MATR3: variants seen among roughly 807,000 people sequenced by gnomAD.
The protein encoded by MATR3 is matrin 3, also known as matrin-3.
A neutral mutation model predicts 85.5 loss-of-function variants in MATR3; 4 were observed. The observed-to-expected ratio is 0.05, with a 90% CI of 0.02 to 0.11. The LOEUF (loss-of-function observed/expected upper bound fraction) is 0.11. Among genes scored for constraint, MATR3 ranks in the 10% least tolerant of loss-of-function variants. The pLI is 1.00. For synonymous variants in MATR3, 336 were observed against 343.1 expected, an observed-to-expected ratio of 0.98 and a Z score of 0.23; for missense variants, 685 against 1,016.1, an observed-to-expected ratio of 0.67 and a Z score of 4.43.
At chr5:139,289,852 GC>G (rs1009320190), upstream of MATR3, among the ~76,000 whole-genome samples, 1 of 152,046 alleles carries the variant, frequency 6.6e-6, no homozygotes, top group Admixed American at 6.6e-5. Context: ...CCCATATTCA[GC>G]CTTTCCAGTC....
At chr5:139,323,119 T>G (rs928476074) in intron 12 of MATR3, 152 bp downstream of exon 12, 9 of 833,968 alleles carry the variant, frequency 1.1e-5, no homozygotes, top group Non-Finnish European at 1.6e-5. Flanking sequence ...AAATCTAAAC[T>G]CTGCAATAAA....
intron 1 of MATR3, among the ~76,000 whole-genome samples, chr5:139,296,116 C>T (rs1286679385): frequency 5.3e-5 from 8 of 152,020 alleles, no homozygotes; most frequent in Admixed American, 4.6e-4. Flanking sequence ...AAAGACTGTG[C>T]GTACAGGAAT....
intron 12 of MATR3, 108 bp from the exon 13 acceptor site, chr5:139,325,332 C>G: frequency 6.3e-7 from 1 of 1,577,338 alleles, no homozygotes; most frequent in Admixed American, 1.9e-5. Context: ...TTTTGTCACT[C>G]TAGATGAGGT....
At chr5:139,281,635 A>C (rs1299768834) in intron 3 of MATR3, among the ~76,000 whole-genome samples, 2 of 152,014 alleles carry the variant, frequency 1.3e-5, no homozygotes, top group Non-Finnish European at 2.9e-5. Context: ...TACAGGTGTG[A>C]GCTACCACAC....
chr5:139,306,114 A>G (rs1754693611), intron 1 of MATR3, among the ~76,000 whole-genome samples: 1 of 152,230 alleles, frequency 6.6e-6, no homozygotes, highest in African/African-American at 2.4e-5. Context: ...TGTAGTTGTG[A>G]TTATAAAATT....
intron 3 of MATR3, among the ~76,000 whole-genome samples, chr5:139,283,779 C>CGTCTTAT (rs557984017): frequency 2.4e-3 from 360 of 152,260 alleles, no homozygotes; most frequent in African/African-American, 8.1e-3. Context: ...TCTCTCTCAC[C>CGTCTTAT]GTCTTATCTT....
chr5:139,326,329 T>C (rs1314867478), intron 14 of MATR3, 45 bp downstream of exon 14: 1 of 1,601,274 alleles, frequency 6.2e-7, no homozygotes, highest in East Asian at 2.2e-5. Context: ...ACTTAACAAG[T>C]TATGGAAATA....
chr5:139,319,860 CTTTTTTTTTTTTTTTTTTT>C, intron 9 of MATR3, among the ~76,000 whole-genome samples: 1 of 44,164 alleles, frequency 2.3e-5, no homozygotes, highest in African/African-American at 7.8e-5. Flanking sequence ...AAAAAATTTG[CTTTTTTTTTTTTTTTTTTT>C]TTTTTTTTTA....
intron 12 of MATR3, among the ~76,000 whole-genome samples, 184 bp downstream of exon 12, chr5:139,323,151 T>A (rs1755665232): frequency 6.6e-6 from 1 of 152,152 alleles, no homozygotes; most frequent in African/African-American, 2.4e-5. Flanking sequence ...GACATTTTAT[T>A]ATAGTTGGCA....
chr5:139,295,285 G>A (rs1465432226), intron 1 of MATR3, among the ~76,000 whole-genome samples: 1 of 152,184 alleles, frequency 6.6e-6, no homozygotes, highest in Non-Finnish European at 1.5e-5. Context: ...CGCTCTGGAT[G>A]ATGCCTTTTC....
At chr5:139,318,365 C>T (rs1755362881) in intron 7 of MATR3, among the ~76,000 whole-genome samples, 1 of 152,076 alleles carries the variant, frequency 6.6e-6, no homozygotes, top group Admixed American at 6.6e-5. Context: ...AAGTCCTGAC[C>T]TCAGGTGATC....
At chr5:139,301,855 T>G (rs1184709319) in intron 1 of MATR3, among the ~76,000 whole-genome samples, 1 of 152,186 alleles carries the variant, frequency 6.6e-6, no homozygotes, top group Non-Finnish European at 1.5e-5. Context: ...GAAGACAGTA[T>G]TATTCCAGGT....
chr5:139,322,017 A>C lies in MATR3; in HGVS notation c.1722A>C (p.Lys574Asn). The C allele has an allele frequency of 6.2e-7, 1 of 1,614,068 alleles. No homozygotes were observed. The highest frequency in any genetic ancestry group is 8.5e-7 in the Non-Finnish European group (1 of 1,179,992). Residue 574 changes from lysine to asparagine, a missense_variant, in exon 10 of 15, where the codon AAA becomes AAC. Coordinates refer to ENST00000394805, the MANE Select transcript of MATR3 (RefSeq NM_018834.6). Reference protein sequence around the residue: ...VKVDLSEKYKKLVLRIPNRGI... With the variant: ...VKVDLSEKYKNLVLRIPNRGI... Reference sequence around the variant, plus strand: ...TTGACCTGTCTGAGAAATATAAAAAACTGGTTCTGAGGGTATGTAGTATTT... The same window carrying C: ...TTGACCTGTCTGAGAAATATAAAAACCTGGTTCTGAGGGTATGTAGTATTT...
chr5:139,316,797 C>T (rs1286840565), intron 5 of MATR3, among the ~76,000 whole-genome samples: 1 of 152,108 alleles, frequency 6.6e-6, no homozygotes, highest in Non-Finnish European at 1.5e-5. Flanking sequence ...ATGATCTGCT[C>T]AGCCTCCCAA....
chr5:139,327,310 T>G (rs1191672964), intron 14 of MATR3, among the ~76,000 whole-genome samples: 3 of 152,028 alleles, frequency 2.0e-5, no homozygotes, highest in Admixed American at 6.5e-5. Flanking sequence ...TTCTGTTTTT[T>G]TTTTTTTTTT....
exon 1 of MATR3, chr5:139,274,134 C>T (rs528872797): frequency 4.4e-4 from 194 of 441,310 alleles, no homozygotes; most frequent in African/African-American, 3.5e-3. Context: ...GGTGCTGCTG[C>T]GCCCTGCGGA....
intron 2 of MATR3, chr5:139,314,458 G>A (rs1755147403): frequency 2.0e-6 from 1 of 503,674 alleles, no homozygotes; most frequent in Non-Finnish European, 3.6e-6. Context: ...AGTTAATCCA[G>A]TTTTTCCAAG....
chr5:139,325,466 A>G lies in MATR3; in HGVS notation c.2175A>G (p.Gln725=). Residue 725 remains glutamine, a synonymous_variant, in exon 13 of 15, where the codon CAA becomes CAG. Transcript: ENST00000394805. ...KKVDKIEELD[Q]ENEAALENGI... Reference sequence around the variant, plus strand: ...TGGACAAGATCGAGGAACTTGATCAAGAAAACGAAGCAGCGTTGGAAAATG... The same window carrying G: ...TGGACAAGATCGAGGAACTTGATCAGGAAAACGAAGCAGCGTTGGAAAATG... 1 of 1,614,224 alleles carries G rather than the reference A, an allele frequency of 6.2e-7. No homozygotes were observed. Among genetic ancestry groups the G allele is most frequent in the Non-Finnish European group, 8.5e-7 (1 of 1,180,038 alleles).
In MATR3 at chr5:139,319,357, G is replaced by A. The variant is rs549275621; in HGVS notation, c.1458G>A (p.Gln486=). ...RIKKPEGKPD[Q]KFDQKQELGR... ...AGAAACCTGAAGGAAAGCCAGATCA[G>A]AAGTTTGATCAAAAGCAAGAGCTTG... The change falls in exon 9 of 15, where the codon CAG becomes CAA. Residue 486 remains glutamine, a synonymous_variant. Transcript: ENST00000394805. The A allele has an allele frequency of 1.5e-5, 25 of 1,614,152 alleles. 1 individual carries two copies. The South Asian group carries it at 2.3e-4, about 15-fold the overall frequency.
Sources: allele counts gnomAD v4.1 joint callset (sites outside exome capture counted in the v4.1 genomes callset), GRCh38; gene constraint gnomAD v4.1.1; transcripts MANE v1.5; gene names NCBI Gene and HGNC (gene_info 2026-07-23, HGNC 2026-07-21).